The following ACYP2 variants were observed in gnomAD, a reference collection of about 807,000 sequenced individuals.
The protein encoded by ACYP2 is acylphosphatase-2.
Under a neutral mutation model 11.2 loss-of-function variants are expected in ACYP2, and 12 were observed. That is an observed-to-expected ratio of 1.08 (90% CI 0.69 to 1.74). ACYP2 has a LOEUF of 1.74. ACYP2 is among the 40% of genes most tolerant of loss of function. The pLI, the probability that ACYP2 is intolerant of heterozygous loss-of-function variation, is 0.00. For synonymous variants in ACYP2, 43 were observed against 32.2 expected (o/e 1.33, Z -1.13); for missense variants, 134 against 101.9 (o/e 1.31, Z -1.35).
At chr2:54,139,819 T>C (rs1171597879) in intron 6 of ACYP2, among the ~76,000 whole-genome samples, 1 of 152,220 alleles carries the variant, frequency 6.6e-6, no homozygotes, top group African/African-American at 2.4e-5. Context: ...CTCCCCTTTA[T>C]TAACCTCTGA....
At chr2:53,975,449 G>C in intron 2 of ACYP2, 1 of 390,740 alleles carries the variant, frequency 2.6e-6, no homozygotes, top group Non-Finnish European at 4.5e-6. Flanking sequence ...AGTGGAGACA[G>C]TAACCCAAAG....
chr2:54,171,874 G>A (rs1037600756), intron 6 of ACYP2, among the ~76,000 whole-genome samples: 3 of 151,988 alleles, frequency 2.0e-5, no homozygotes, highest in African/African-American at 7.3e-5. Flanking sequence ...CTTTAAAAAG[G>A]TGCCGTTTTC....
intron 6 of ACYP2, chr2:54,255,671 G>A: frequency 5.0e-6 from 8 of 1,613,696 alleles, no homozygotes; most frequent in Non-Finnish European, 6.8e-6. Flanking sequence ...TCATCCACTG[G>A]GGCTGAGAAC....
At chr2:54,010,737 C>CTTTTTTTTTTTTTTTTT (rs539896151) in intron 2 of ACYP2, among the ~76,000 whole-genome samples, 144 of 107,618 alleles carry the variant, frequency 1.3e-3, no homozygotes, top group African/African-American at 2.5e-3. Flanking sequence ...TTCTTTCTTT[C>CTTTTTTTTTTTTTTTTT]TTTTTTTTTT....
chr2:54,035,559 C>T (rs897947196), intron 2 of ACYP2, among the ~76,000 whole-genome samples: 8 of 152,108 alleles, frequency 5.3e-5, no homozygotes, highest in African/African-American at 1.9e-4. Context: ...GCCACCGCTC[C>T]CGGCCTAGAG....
chr2:54,102,784 C>A (rs150470194), intron 4 of ACYP2, among the ~76,000 whole-genome samples: 17 of 152,086 alleles, frequency 1.1e-4, no homozygotes, highest in South Asian at 6.3e-4. Flanking sequence ...CCCTGCTCTC[C>A]TCTTTGTTGG....
intron 6 of ACYP2, among the ~76,000 whole-genome samples, chr2:54,210,515 T>C (rs936391088): frequency 6.6e-6 from 1 of 152,226 alleles, no homozygotes; most frequent in Non-Finnish European, 1.5e-5. Context: ...TGGGTGACTC[T>C]GCTTTGTTGA....
chr2:53,979,442 C>T (rs1404397437), intron 2 of ACYP2, among the ~76,000 whole-genome samples: 1 of 151,802 alleles, frequency 6.6e-6, no homozygotes, highest in Non-Finnish European at 1.5e-5. Context: ...TCCTAGCCAA[C>T]ATGATGAAAT....
rs1277522578 is a variant in ACYP2, at chr2:53,994,253, C to A, written c.62+20443C>A. On this transcript the variant is annotated intron_variant, in intron 2 of 6. Coordinates refer to ENST00000607452, the MANE Select transcript of ACYP2 (RefSeq NM_001320586.2). ...GCTGAGGCAGGAGAATGGCCTGAAC[C>A]CAGGAGGCGGAGCTTGCAGTGAGCA... Among the ~76,000 whole-genome samples, 7 of 150,136 alleles carry A rather than the reference C, an allele frequency of 4.7e-5. No homozygotes were observed. In the South Asian group the frequency reaches 8.4e-4, roughly 18 times the overall value.
At chr2:54,135,415 G>A (rs1208926811) in intron 4 of ACYP2, 38 bp from the exon 2 acceptor site, 1 of 1,596,482 alleles carries the variant, frequency 6.3e-7, no homozygotes, top group South Asian at 1.1e-5. Context: ...TTTAAAGGAG[G>A]ACAAGCTGAC....
intron 6 of ACYP2, among the ~76,000 whole-genome samples, chr2:54,235,649 C>A (rs1192194423): frequency 5.3e-5 from 8 of 152,180 alleles, no homozygotes; most frequent in African/African-American, 1.9e-4. Context: ...CGCGCCTGGC[C>A]AACCTATAGG....
At chr2:54,039,084 G>C (rs944685561) in intron 2 of ACYP2, among the ~76,000 whole-genome samples, 1 of 151,942 alleles carries the variant, frequency 6.6e-6, no homozygotes, top group Non-Finnish European at 1.5e-5. Context: ...GGTGGGGAGC[G>C]TGCTCCTATA....
chr2:54,123,399 C>T (rs910372389), intron 4 of ACYP2: 2 of 398,442 alleles, frequency 5.0e-6, no homozygotes, highest in Non-Finnish European at 8.8e-6. Context: ...TGCCCTTGTT[C>T]TACAAATAGA....
intron 2 of ACYP2, among the ~76,000 whole-genome samples, chr2:54,035,763 G>A (rs1674865849): frequency 6.6e-6 from 1 of 152,146 alleles, no homozygotes. Flanking sequence ...TTACCCAATG[G>A]TAGATGTTTC....
intron 6 of ACYP2, among the ~76,000 whole-genome samples, chr2:54,167,497 A>AT (rs1361697277): frequency 2.0e-5 from 3 of 152,160 alleles, no homozygotes; most frequent in Non-Finnish European, 4.4e-5. Flanking sequence ...CAGTTGTAGT[A>AT]TTTTTCTATA....
chr2:54,205,360 C>T (rs1470327661), intron 6 of ACYP2, among the ~76,000 whole-genome samples: 2 of 152,184 alleles, frequency 1.3e-5, no homozygotes, highest in African/African-American at 4.8e-5. Flanking sequence ...AGACCATCTG[C>T]AAGGAAGAGA....
At chr2:54,212,164 G>T (rs1425385180) in intron 6 of ACYP2, among the ~76,000 whole-genome samples, 1 of 152,148 alleles carries the variant, frequency 6.6e-6, no homozygotes, top group Non-Finnish European at 1.5e-5. Flanking sequence ...TGAAGCTGGA[G>T]AGTTTTATCT....
At position 54,010,737 on chromosome 2, in the gene ACYP2, C is replaced by CTTTT. The variant is rs539896151; in HGVS notation, c.62+36952_62+36955dup. On this transcript the variant is annotated intron_variant, in intron 2 of 6. Transcript: ENST00000607452. ...CTTCGGTTTCTCTTTTTCTTTCTTT[C>CTTTT]TTTTTTTTTTTTTTTTTTTTTTTTT... Among the ~76,000 whole-genome samples, 794 of 107,518 alleles carry CTTTT rather than the reference C, an allele frequency of 7.4e-3. 1 individual carries two copies. Among genetic ancestry groups the CTTTT allele is most frequent in the Non-Finnish European group, 0.01 (564 of 55,018 alleles). The allele number at this position is 107,518 out of a possible 152,430, so 70.5% of individuals were successfully genotyped here.
intron 6 of ACYP2, among the ~76,000 whole-genome samples, chr2:54,192,100 C>G (rs1023545338): frequency 2.6e-5 from 4 of 152,042 alleles, no homozygotes; most frequent in Admixed American, 6.6e-5. Context: ...AAATTTAAAT[C>G]CAAGAACTAA....
Sources: gnomAD v4.1 joint callset for allele counts (sites outside exome capture counted in the v4.1 genomes callset) on GRCh38, gnomAD v4.1.1 for gene constraint, MANE v1.5 for transcripts, NCBI Gene and HGNC (gene_info 2026-07-23, HGNC 2026-07-21) for gene names.